The following ZMAT4 variants were observed in gnomAD, a reference collection of about 807,000 sequenced individuals.
The protein encoded by ZMAT4 is zinc finger matrin-type 4, also known as zinc finger matrin-type protein 4.
In ZMAT4, 17 loss-of-function variants were observed where a neutral mutation model predicts 28.7. The ratio of observed to expected loss-of-function variants is 0.59; its 90% CI spans 0.41 to 0.89. ZMAT4 has a LOEUF of 0.89. Ranked by LOEUF, ZMAT4 falls within the 40% of genes least tolerant of loss-of-function variation. The pLI is 0.00. For synonymous variants in ZMAT4, 117 were observed against 109.2 expected, an observed-to-expected ratio of 1.07 and a Z score of -0.44; for missense variants, 240 against 283.8, an observed-to-expected ratio of 0.85 and a Z score of 1.11.
chr8:40,765,889 A>C (rs544836603), intron 3 of ZMAT4, among the ~76,000 whole-genome samples: 1 of 152,320 alleles, frequency 6.6e-6, no homozygotes, highest in East Asian at 1.9e-4. Flanking sequence ...ATTGCTGGAT[A>C]ATTTCAAGAA....
intron 3 of ZMAT4, among the ~76,000 whole-genome samples, chr8:40,720,914 G>T (rs1811058371): frequency 6.6e-6 from 1 of 152,158 alleles, no homozygotes; most frequent in Non-Finnish European, 1.5e-5. Flanking sequence ...AGGCTCAGAG[G>T]CAGAGTAGTC....
chr8:40,726,036 T>C (rs532904473), intron 3 of ZMAT4, among the ~76,000 whole-genome samples: 1 of 152,372 alleles, frequency 6.6e-6, no homozygotes, highest in South Asian at 2.1e-4. Flanking sequence ...AAATCAATCA[T>C]ACCTGATTTC....
At chr8:40,757,567 C>T (rs1037321472) in intron 3 of ZMAT4, among the ~76,000 whole-genome samples, 1 of 141,950 alleles carries the variant, frequency 7.0e-6, no homozygotes, top group Non-Finnish European at 1.5e-5. Context: ...GGCTGGGCAA[C>T]AGAGCAAGAC....
At chr8:40,828,617 A>G (rs977915586) in intron 1 of ZMAT4, among the ~76,000 whole-genome samples, 2 of 152,238 alleles carry the variant, frequency 1.3e-5, no homozygotes, top group African/African-American at 4.8e-5. Flanking sequence ...ATATAAGAAT[A>G]TTGATTTGAA....
In ZMAT4 at chr8:40,852,794, C is replaced by T. The variant is rs377267335; in HGVS notation, c.-4-27114G>A. Among the ~76,000 whole-genome samples, 9 of 152,148 alleles carry T rather than the reference C, an allele frequency of 5.9e-5. No homozygotes were observed. In the East Asian group the frequency reaches 9.6e-4, roughly 16 times the overall value. On this transcript the variant is annotated intron_variant, in intron 1 of 6. Coordinates refer to ENST00000297737, the MANE Select transcript of ZMAT4 (RefSeq NM_024645.3). The stretch of plus-strand genomic sequence containing the variant: ...TATGTAGATCTTCCAAATGTTGATA[C>T]ATTTCATTATATAATACCCAAAAAG...
At chr8:40,895,259 T>C (rs945756631) in intron 1 of ZMAT4, among the ~76,000 whole-genome samples, 2 of 152,216 alleles carry the variant, frequency 1.3e-5, no homozygotes, top group African/African-American at 2.4e-5. Context: ...TTTGATGAAA[T>C]GACAAGTAAC....
intron 2 of ZMAT4, among the ~76,000 whole-genome samples, chr8:40,798,090 A>T (rs1285744934): frequency 6.6e-6 from 1 of 152,134 alleles, no homozygotes; most frequent in Non-Finnish European, 1.5e-5. Flanking sequence ...GTCGCCAAAG[A>T]ACTGGGTGCA....
intron 3 of ZMAT4, among the ~76,000 whole-genome samples, chr8:40,723,297 C>T (rs1811182081): frequency 6.6e-6 from 1 of 152,098 alleles, no homozygotes; most frequent in Non-Finnish European, 1.5e-5. Context: ...AATCCCAACA[C>T]TTTGGGAGGC....
intron 5 of ZMAT4, among the ~76,000 whole-genome samples, chr8:40,604,880 A>G (rs1805525715): frequency 6.6e-6 from 1 of 152,090 alleles, no homozygotes; most frequent in East Asian, 1.9e-4. Context: ...CTATTTGTTT[A>G]TTACCACTTC....
In ZMAT4 at chr8:40,791,874, G is replaced by A. The variant is rs551762725; in HGVS notation, c.103-24144C>T. Among the ~76,000 whole-genome samples, 151 of 152,210 alleles carry A rather than the reference G, an allele frequency of 9.9e-4. 2 individuals are homozygous for A. In the South Asian group the frequency reaches 0.029, roughly 30 times the overall value. On this transcript the variant is annotated intron_variant, in intron 2 of 6. Transcript: ENST00000297737. ...GTGTCCACTGGCTTGTCAATAAATT[G>A]GATAGCTATGAGCACCAGCTAACTT...
intron 2 of ZMAT4, among the ~76,000 whole-genome samples, chr8:40,787,432 A>G (rs1256046918): frequency 6.6e-6 from 1 of 152,244 alleles, no homozygotes; most frequent in Non-Finnish European, 1.5e-5. Flanking sequence ...TTGAAATGAG[A>G]CAGCAAAAGT....
intron 6 of ZMAT4, among the ~76,000 whole-genome samples, chr8:40,553,640 G>A (rs946939744): frequency 1.3e-5 from 2 of 152,086 alleles, no homozygotes; most frequent in Non-Finnish European, 2.9e-5. Flanking sequence ...TTCCACTGGA[G>A]AAGTAGGAAA....
chr8:40,567,036 T>C (rs1427902590), intron 6 of ZMAT4, among the ~76,000 whole-genome samples: 3 of 152,124 alleles, frequency 2.0e-5, no homozygotes, highest in South Asian at 2.1e-4. Flanking sequence ...AAGAGTAAAG[T>C]GCACATGTTA....
At chr8:40,761,632 G>T (rs186879719) in intron 3 of ZMAT4, among the ~76,000 whole-genome samples, 6 of 152,266 alleles carry the variant, frequency 3.9e-5, no homozygotes, top group African/African-American at 1.4e-4. Context: ...ACTACCTGAT[G>T]AACTCCATAT....
intron 5 of ZMAT4, among the ~76,000 whole-genome samples, chr8:40,615,529 T>C (rs1367053642): frequency 3.3e-5 from 5 of 152,248 alleles, no homozygotes; most frequent in African/African-American, 1.2e-4. Flanking sequence ...GTTTTCCAAC[T>C]TGGTTCCATT....
At chr8:40,820,866 T>C (rs974265001) in intron 2 of ZMAT4, among the ~76,000 whole-genome samples, 3 of 151,694 alleles carry the variant, frequency 2.0e-5, no homozygotes, top group Non-Finnish European at 4.4e-5. Flanking sequence ...TGTGTTTGTG[T>C]GTTTATGTGT....
At chr8:40,656,232 T>A (rs539686670) in intron 5 of ZMAT4, among the ~76,000 whole-genome samples, 2 of 151,858 alleles carry the variant, frequency 1.3e-5, no homozygotes, top group Non-Finnish European at 1.5e-5. Context: ...AAAAAGTAAA[T>A]CAAAGCCACA....
At chr8:40,773,345 G>A (rs1170326056) in intron 2 of ZMAT4, among the ~76,000 whole-genome samples, 1 of 152,136 alleles carries the variant, frequency 6.6e-6, no homozygotes, top group African/African-American at 2.4e-5. Flanking sequence ...CAGGCCACTG[G>A]GCTACTGAAA....
At chr8:40,733,974 A>T (rs1247330656) in intron 3 of ZMAT4, among the ~76,000 whole-genome samples, 1 of 152,148 alleles carries the variant, frequency 6.6e-6, no homozygotes, top group African/African-American at 2.4e-5. Context: ...ATGTACACTA[A>T]AATGGTGGAG....
Sources: gnomAD v4.1 joint callset for allele counts (sites outside exome capture counted in the v4.1 genomes callset) on GRCh38, gnomAD v4.1.1 for gene constraint, MANE v1.5 for transcripts, NCBI Gene and HGNC (gene_info 2026-07-23, HGNC 2026-07-21) for gene names.